The following AGAP1 variants were observed in gnomAD, a reference collection of about 807,000 sequenced individuals.
AGAP1 encodes the protein arf-GAP with GTPase, ANK repeat and PH domain-containing protein 1.
Under a neutral mutation model 105.3 loss-of-function variants are expected in AGAP1, and 29 were observed. The observed-to-expected ratio is 0.28, with a 90% CI of 0.21 to 0.38. AGAP1 has a LOEUF of 0.38. AGAP1 is among the 10% of genes least tolerant of loss of function. AGAP1 has a pLI of 1.00. For synonymous variants in AGAP1, 509 were observed against 485.9 expected (o/e 1.05, Z -0.63); for missense variants, 998 against 1,165.1 (o/e 0.86, Z 2.09).
intron 12 of AGAP1, among the ~76,000 whole-genome samples, chr2:235,939,982 G>A (rs897535975): frequency 6.6e-6 from 1 of 152,096 alleles, no homozygotes; most frequent in Non-Finnish European, 1.5e-5. Flanking sequence ...ACGCAGGTAA[G>A]CAGCTACCTG....
chr2:235,903,753 A>G (rs904153231), intron 10 of AGAP1, among the ~76,000 whole-genome samples: 1 of 152,064 alleles, frequency 6.6e-6, no homozygotes, highest in African/African-American at 2.4e-5. Context: ...TATATTTTTT[A>G]GTAGCCTAAT....
In AGAP1 at chr2:236,105,504, G is replaced by T. The variant is rs1341233674; in HGVS notation, c.2115-14688G>T. Among the ~76,000 whole-genome samples the T allele has an allele frequency of 6.6e-6, 1 of 150,768 alleles. No homozygotes were observed. The highest frequency in any genetic ancestry group is 6.6e-5 in the Admixed American group (1 of 15,156). The stretch of plus-strand genomic sequence containing the variant: ...CCTGGCTTATAGACAGATGCCTCTT[G>T]CAGTGTCCTCATGTGGAGGAGAGAG... On this transcript the variant is annotated intron_variant, in intron 16 of 17. Transcript: ENST00000304032. The surrounding 1 kb of genome is among the most constrained non-coding windows in gnomAD (Gnocchi z 4.2).
At chr2:235,813,559 C>T (rs1252624427) in intron 9 of AGAP1, among the ~76,000 whole-genome samples, 1 of 152,192 alleles carries the variant, frequency 6.6e-6, no homozygotes, top group African/African-American at 2.4e-5. Flanking sequence ...CAGCTCAGAC[C>T]CCTAGGGGGG....
At chr2:235,857,536 T>G (rs2048739171) in intron 9 of AGAP1, among the ~76,000 whole-genome samples, 1 of 152,200 alleles carries the variant, frequency 6.6e-6, no homozygotes, top group African/African-American at 2.4e-5. Context: ...CTTCCCACCC[T>G]GATTGCAGCT....
intron 6 of AGAP1, among the ~76,000 whole-genome samples, chr2:235,767,115 T>C (rs1188603580): frequency 6.6e-6 from 1 of 152,128 alleles, no homozygotes; most frequent in Non-Finnish European, 1.5e-5. Flanking sequence ...TTCGACATCT[T>C]GGCCAGGCTG....
At chr2:235,640,465 A>G (rs899549060) in intron 1 of AGAP1, among the ~76,000 whole-genome samples, 3 of 152,234 alleles carry the variant, frequency 2.0e-5, no homozygotes, top group African/African-American at 7.2e-5. Flanking sequence ...TAGGAACAAG[A>G]AAATCCTAAA....
chr2:235,613,645 G>A (rs1407820379), intron 1 of AGAP1, among the ~76,000 whole-genome samples: 2 of 152,268 alleles, frequency 1.3e-5, no homozygotes, highest in Admixed American at 6.5e-5. Context: ...AAATGGTAAG[G>A]AAGAGAATAA....
chr2:236,082,921 C>T lies in AGAP1; in HGVS notation c.2114+33640C>T, dbSNP rs995204715. Reference sequence around the variant, plus strand: ...CTGTAATCCCAGCACTCTGGGAGGCCGAGGTGGCCGGATCACCTGAGGTCA... The same window carrying T: ...CTGTAATCCCAGCACTCTGGGAGGCTGAGGTGGCCGGATCACCTGAGGTCA... On this transcript the variant is annotated intron_variant, in intron 16 of 17. Transcript: ENST00000304032. This position sits in a 1 kb window ranked among gnomAD's most constrained non-coding sequence, Gnocchi z 4.2. 1.3e-4 allele frequency among the ~76,000 whole-genome samples: 20 copies of T among 151,882 alleles called. No homozygotes were observed. The East Asian group carries it at 1.6e-3, about 12-fold the overall frequency.
rs1421904310 is a variant in AGAP1, at chr2:235,586,251, G to C, written c.163+91402G>C. Among the ~76,000 whole-genome samples, 4 of 152,206 alleles carry C rather than the reference G, an allele frequency of 2.6e-5. No individual in the cohort carries two copies. Among genetic ancestry groups the C allele is most frequent in the African/African-American group, 9.6e-5 (4 of 41,452 alleles). On this transcript the variant is annotated intron_variant, in intron 1 of 17. Coordinates refer to ENST00000304032, the MANE Select transcript of AGAP1 (RefSeq NM_001037131.3). This position sits in a 1 kb window ranked among gnomAD's most constrained non-coding sequence, Gnocchi z 4.2. ...CCATACGGGCATGTTATCCAGAAGA[G>C]AGGAGAGAGAAGCCCGCTGCACTCT... is the stretch of plus-strand genomic sequence containing the variant.
At chr2:235,647,724 T>C (rs1218440341) in intron 1 of AGAP1, among the ~76,000 whole-genome samples, 4 of 152,126 alleles carry the variant, frequency 2.6e-5, no homozygotes, top group Non-Finnish European at 5.9e-5. Context: ...AAAGAAATCC[T>C]AGTGTTGACA....
intron 9 of AGAP1, among the ~76,000 whole-genome samples, chr2:235,810,858 A>G (rs1242646960): frequency 7.3e-6 from 1 of 137,296 alleles, no homozygotes; most frequent in Non-Finnish European, 1.5e-5. Flanking sequence ...TTTTTTTACT[A>G]ATAAGGTCTA....
rs937736466 is a variant in AGAP1, at chr2:235,724,188, G to C, written c.310+6544G>C. ...ACCAACTCAAAATTTTAGGCAGAAA[G>C]CTAGCTCCAAGGCTGAGGCAGCCCT... On this transcript the variant is annotated intron_variant, in intron 3 of 17. Coordinates refer to ENST00000304032, the MANE Select transcript of AGAP1 (RefSeq NM_001037131.3). This position sits in a 1 kb window ranked among gnomAD's most constrained non-coding sequence, Gnocchi z 4.9. Among the ~76,000 whole-genome samples, 1 of 152,240 alleles carries C rather than the reference G, an allele frequency of 6.6e-6. No homozygotes were observed. Among genetic ancestry groups the C allele is most frequent in the Admixed American group, 6.5e-5 (1 of 15,288 alleles).
At chr2:235,684,762 G>A (rs1381247178) in intron 1 of AGAP1, among the ~76,000 whole-genome samples, 1 of 152,126 alleles carries the variant, frequency 6.6e-6, no homozygotes, top group Non-Finnish European at 1.5e-5. Context: ...TTAGAGCTGC[G>A]TCAGATGAAT....
rs905477315 is a variant in AGAP1, at chr2:235,842,503, C to G, written c.1050+35172C>G. On this transcript the variant is annotated intron_variant, in intron 9 of 17. Transcript: ENST00000304032. This position sits in a 1 kb window ranked among gnomAD's most constrained non-coding sequence, Gnocchi z 5.3. ...CTCAGTGCATTAATAAAGCAGTGTG[C>G]TTATTACCCAGCCACAGGCGTTGCT... Among the ~76,000 whole-genome samples the G allele has an allele frequency of 5.3e-5, 8 of 152,130 alleles. No individual in the cohort carries two copies. The highest frequency in any genetic ancestry group is 1.2e-4 in the Non-Finnish European group (8 of 68,028).
chr2:236,049,352 T>A (rs549770339), intron 16 of AGAP1, 71 bp downstream of exon 16: 204 of 1,424,192 alleles, frequency 1.4e-4, no homozygotes, highest in Non-Finnish European at 1.9e-4. Context: ...GTGATCATAA[T>A]GACAGCCACG....
chr2:235,909,178 T>A (rs536061698), intron 11 of AGAP1, among the ~76,000 whole-genome samples: 1 of 152,208 alleles, frequency 6.6e-6, no homozygotes, highest in African/African-American at 2.4e-5. Flanking sequence ...GAAGTTAACA[T>A]GTGAACTGGG....
chr2:235,798,019 C>A (rs1957322883), intron 7 of AGAP1, 133 bp downstream of exon 7: 1 of 1,165,976 alleles, frequency 8.6e-7, no homozygotes, highest in Non-Finnish European at 1.2e-6. Flanking sequence ...TAATTGACTT[C>A]ACATTTTCTT....
At position 235,874,043 on chromosome 2, in the gene AGAP1, G is replaced by GT. The variant is rs761089833; in HGVS notation, c.1051-9296dup. ...CACGCCCAGCCCAGAACCGCATTCTGTTTTTTGTTTTGTTTTGTTTTTGTT... is the reference window on the plus strand; with the variant it reads ...CACGCCCAGCCCAGAACCGCATTCTGTTTTTTTGTTTTGTTTTGTTTTTGTT... On this transcript the variant is annotated intron_variant, in intron 9 of 17. Transcript: ENST00000304032. This position sits in a 1 kb window ranked among gnomAD's most constrained non-coding sequence, Gnocchi z 4.5. Among the ~76,000 whole-genome samples the GT allele has an allele frequency of 6.6e-6, 1 of 150,524 alleles. No individual in the cohort carries two copies. The highest frequency in any genetic ancestry group is 2.0e-4 in the East Asian group (1 of 5,034).
rs1276852248 is a variant in AGAP1, at chr2:235,893,360, G to A, written c.1155+9911G>A. Among the ~76,000 whole-genome samples, 5 of 150,850 alleles carry A rather than the reference G, an allele frequency of 3.3e-5. No individual in the cohort carries two copies. Among genetic ancestry groups the A allele is most frequent in the Middle Eastern group, 3.5e-3 (1 of 288 alleles). ...GGCTTGTCTGTGGTGTGGGTGTGCC[G>A]TGTCCATCATAGGGGTGTGCTGTGT... is the stretch of plus-strand genomic sequence containing the variant. On this transcript the variant is annotated intron_variant, in intron 10 of 17. Transcript: ENST00000304032. This position sits in a 1 kb window ranked among gnomAD's most constrained non-coding sequence, Gnocchi z 4.7.
Sources: gnomAD v4.1 joint callset for allele counts (sites outside exome capture counted in the v4.1 genomes callset) on GRCh38, gnomAD v4.1.1 for gene constraint, Gnocchi (gnomAD v3.1) non-coding constraint, MANE v1.5 for transcripts, NCBI Gene and HGNC (gene_info 2026-07-23, HGNC 2026-07-21) for gene names.